The following RNF144A variants were observed in gnomAD, a reference collection of about 807,000 sequenced individuals.
RNF144A encodes ring finger protein 144A.
Under a neutral mutation model 38.7 loss-of-function variants are expected in RNF144A, and 11 were observed. That is an observed-to-expected ratio of 0.28 (90% CI 0.18 to 0.47). The LOEUF is 0.47. Among genes scored for constraint, RNF144A ranks in the 20% least tolerant of loss-of-function variants. The pLI, the probability that RNF144A is intolerant of heterozygous loss-of-function variation, is 0.99. For missense variants in RNF144A, 316 were observed against 377.2 expected (o/e 0.84, Z 1.34); for synonymous variants, 149 against 143.9 (o/e 1.04, Z -0.25).
downstream of RNF144A, among the ~76,000 whole-genome samples, chr2:7,069,291 T>C (rs1674362979): frequency 6.6e-6 from 1 of 152,238 alleles, no homozygotes; most frequent in African/African-American, 2.4e-5. Flanking sequence ...GGCTGTTTCA[T>C]CTGTGTGGCC....
intron 2 of RNF144A, among the ~76,000 whole-genome samples, chr2:6,947,982 G>C (rs1666447230): frequency 6.6e-6 from 1 of 152,218 alleles, no homozygotes; most frequent in African/African-American, 2.4e-5. Flanking sequence ...TTAGCTACGG[G>C]CTAAGAACTA....
At chr2:7,030,354 C>A (rs917121947) in intron 8 of RNF144A, 139 bp downstream of exon 8, 1 of 678,850 alleles carries the variant, frequency 1.5e-6, no homozygotes, top group African/African-American at 1.8e-5. Flanking sequence ...CGAAGATCTC[C>A]TGGATAGAAA....
At chr2:7,024,642 C>A in intron 7 of RNF144A, 126 bp downstream of exon 7, 1 of 1,064,764 alleles carries the variant, frequency 9.4e-7, no homozygotes, top group Non-Finnish European at 1.3e-6. Context: ...TGAAGCAACA[C>A]CGTTTGGTGT....
In RNF144A at chr2:6,962,968, G is replaced by A. The variant is rs1391276871; in HGVS notation, c.-12+21821G>A. ...TAATTTTAAAAGATGGATGAATAAG[G>A]GGACTGTCCTCAGCACTGAGAAGCA... On this transcript the variant is annotated intron_variant, in intron 2 of 8. Coordinates refer to ENST00000320892, the MANE Select transcript of RNF144A (RefSeq NM_014746.6). This position sits in a 1 kb window ranked among gnomAD's most constrained non-coding sequence, Gnocchi z 4.1. Among the ~76,000 whole-genome samples the A allele has an allele frequency of 6.6e-6, 1 of 152,178 alleles. No individual in the cohort carries two copies. The highest frequency in any genetic ancestry group is 1.5e-5 in the Non-Finnish European group (1 of 68,028).
At chr2:7,075,318 G>A in the RNF144A span, among the ~76,000 whole-genome samples, 109,502 of 151,088 alleles carry the variant, frequency 0.72, 40,960 homozygotes, top group African/African-American at 0.92. Context: ...TCATGGGCCA[G>A]TTTGAGCTTC....
intron 2 of RNF144A, among the ~76,000 whole-genome samples, chr2:6,967,753 A>C (rs150944034): frequency 5.6e-4 from 85 of 152,354 alleles, no homozygotes; most frequent in African/African-American, 1.9e-3. Context: ...CTTGCATAGG[A>C]ATCATTGTCT....
At position 7,060,929 on chromosome 2, in the gene RNF144A, T is replaced by G. The variant is rs186420676; in HGVS notation, c.735-7287T>G. 1.6e-4 allele frequency among the ~76,000 whole-genome samples: 25 copies of G among 152,312 alleles called. 1 individual carries two copies. In the East Asian group the frequency reaches 4.2e-3, roughly 26 times the overall value. On this transcript the variant is annotated intron_variant, in intron 6 of 6. Transcript: ENST00000432850. ...ATTCCTTTTTGGCATGTAGTTTCCT[T>G]GAGAGGAGATGGGACCTGAGTCTAA...
intron 2 of RNF144A, among the ~76,000 whole-genome samples, chr2:6,949,680 G>A (rs1666555357): frequency 6.6e-6 from 1 of 152,100 alleles, no homozygotes; most frequent in Admixed American, 6.5e-5. Flanking sequence ...CACTCAGCCA[G>A]GCTATTTGTG....
At position 7,039,688 on chromosome 2, in the gene RNF144A, C is replaced by T. The variant is rs747815989; in HGVS notation, c.807C>T (p.Leu269=). The change falls in exon 9 of 9, where the codon CTC becomes CTT. Residue 269 remains leucine (L), a synonymous_variant. Transcript: ENST00000320892. The stretch of plus-strand genomic sequence containing the variant: ...TCTTGGTGGCCTCACCTTTCCTACT[C>T]CTGGCCACTCCCTTTGTACTTTGCT... ...LLLLVASPFL[L]LATPFVLCCK... 3 of 1,614,114 alleles carry T rather than the reference C, an allele frequency of 1.9e-6. No individual in the cohort carries two copies. Among genetic ancestry groups the T allele is most frequent in the Non-Finnish European group, 2.5e-6 (3 of 1,180,018 alleles).
chr2:6,947,069 A>T (rs1345024499), intron 2 of RNF144A, among the ~76,000 whole-genome samples: 2 of 152,190 alleles, frequency 1.3e-5, no homozygotes, highest in African/African-American at 4.8e-5. Flanking sequence ...CTGTGTATGT[A>T]TGTGAACAAA....
downstream of RNF144A, among the ~76,000 whole-genome samples, chr2:7,047,829 C>T (rs1673369982): frequency 6.6e-6 from 1 of 152,172 alleles, no homozygotes; most frequent in Non-Finnish European, 1.5e-5. Context: ...CACAAAGCTG[C>T]GAGTCTTATC....
At chr2:7,072,127 T>C (rs1474193346), downstream of RNF144A, among the ~76,000 whole-genome samples, 1 of 152,346 alleles carries the variant, frequency 6.6e-6, no homozygotes, top group East Asian at 1.9e-4. Flanking sequence ...AATGGGGAAG[T>C]AGCTTTGGCA....
At chr2:7,016,510 C>CT (rs897884172) in intron 5 of RNF144A, among the ~76,000 whole-genome samples, 1 of 151,228 alleles carries the variant, frequency 6.6e-6, no homozygotes, top group Non-Finnish European at 1.5e-5. Context: ...GTCAGAAAAT[C>CT]TTTTTTCCTT....
chr2:6,978,954 G>C (rs1201535235), intron 2 of RNF144A: 1 of 152,666 alleles, frequency 6.6e-6, no homozygotes, highest in Non-Finnish European at 1.5e-5. Flanking sequence ...GGCATGAAGG[G>C]TCCACGTATC....
chr2:7,000,672 C>G lies in RNF144A; in HGVS notation c.135+3611C>G, dbSNP rs115939786. ...ATCCCAAAGGTGGGAACATGTGAAG[C>G]TCAAAGGGAGGTGCTGTGGTCCCAT... is the stretch of plus-strand genomic sequence containing the variant. On this transcript the variant is annotated intron_variant, in intron 3 of 8. Coordinates refer to ENST00000320892, the MANE Select transcript of RNF144A (RefSeq NM_014746.6). Among the ~76,000 whole-genome samples the G allele has an allele frequency of 2.6e-3, 388 of 152,074 alleles. 2 individuals are homozygous for G. The highest frequency in any genetic ancestry group is 4.1e-3 in the Non-Finnish European group (279 of 68,000).
chr2:7,043,722 G>C lies in RNF144A; in HGVS notation c.*3962G>C. Reference sequence around the variant, plus strand: ...GCCGTCTTGATGTTTAAAAAACCCAGGGTCTCCACCCTTCCTTTGATTTGT... The same window carrying C: ...GCCGTCTTGATGTTTAAAAAACCCACGGTCTCCACCCTTCCTTTGATTTGT... On this transcript the variant is annotated 3_prime_UTR_variant, in exon 9 of 9. Transcript: ENST00000320892. The C allele has an allele frequency of 3.0e-6, 3 of 985,834 alleles. No individual in the cohort carries two copies. The highest frequency in any genetic ancestry group is 3.6e-6 in the Non-Finnish European group (3 of 829,924). The allele number at this position is 985,834 out of a possible 1,614,324, so 61.1% of individuals were successfully genotyped here. A position where few individuals can be genotyped will look rare whatever the true frequency, so the allele number is the denominator to read the frequency against.
chr2:6,940,448 C>G (rs553129268), intron 1 of RNF144A, among the ~76,000 whole-genome samples: 3 of 152,130 alleles, frequency 2.0e-5, no homozygotes, highest in Non-Finnish European at 4.4e-5. Flanking sequence ...TTATGTCTGC[C>G]ATTGTACTAT....
intron 1 of RNF144A, among the ~76,000 whole-genome samples, chr2:6,927,074 C>T (rs776000342): frequency 1.2e-4 from 19 of 152,192 alleles, no homozygotes; most frequent in Non-Finnish European, 2.2e-4. Flanking sequence ...ATAGTAAGCC[C>T]TGTTGGTCCC....
At chr2:7,074,960 T>C in the RNF144A span, among the ~76,000 whole-genome samples, 1 of 152,174 alleles carries the variant, frequency 6.6e-6, no homozygotes, top group African/African-American at 2.4e-5. Flanking sequence ...CTTGAAAATT[T>C]TTAAGTGTAA....
Sources: allele counts gnomAD v4.1 joint callset (sites outside exome capture counted in the v4.1 genomes callset), GRCh38; gene constraint gnomAD v4.1.1; non-coding constraint Gnocchi (gnomAD v3.1); transcripts MANE v1.5; gene names NCBI Gene and HGNC (gene_info 2026-07-23, HGNC 2026-07-21).